Variants in ACVR1 observed in about 807,000 individuals in gnomAD.
ACVR1 encodes the protein activin receptor type-1.
A neutral mutation model predicts 57.1 loss-of-function variants in ACVR1; 38 were observed. The ratio of observed to expected loss-of-function variants is 0.67; its 90% CI spans 0.51 to 0.87. The LOEUF (loss-of-function observed/expected upper bound fraction) is 0.87, where lower values mean the gene tolerates loss of function less well. ACVR1 is among the 40% of genes least tolerant of loss of function. The pLI, the probability that ACVR1 is intolerant of heterozygous loss-of-function variation, is 0.00. For synonymous variants in ACVR1, 212 were observed against 228.1 expected, an observed-to-expected ratio of 0.93 and a Z score of 0.63; for missense variants, 463 against 638.2, an observed-to-expected ratio of 0.73 and a Z score of 2.96.
intron 1 of ACVR1, among the ~76,000 whole-genome samples, chr2:157,840,360 A>G (rs2105354457): frequency 6.6e-6 from 1 of 152,358 alleles, no homozygotes; most frequent in Admixed American, 6.5e-5. Context: ...CGCATAAATT[A>G]TCACTCCACC....
In ACVR1 at chr2:157,774,203, A is replaced by C. The variant is rs756227362; in HGVS notation, c.544-16T>G. 6.2e-7 allele frequency: 1 copy of C among 1,605,212 alleles called. No homozygotes were observed. Among genetic ancestry groups the C allele is most frequent in the Non-Finnish European group, 8.5e-7 (1 of 1,172,032 alleles). ...CCAATAAATCCTGTGGTTTAAGACA[A>C]GGGGGAAAAGAAACGATTGAGCAAT... On this transcript the variant is annotated splice_polypyrimidine_tract_variant and intron_variant, in intron 5 of 10. Transcript: ENST00000434821.
chr2:157,858,622 T>A (rs910433350), intron 1 of ACVR1, among the ~76,000 whole-genome samples: 1 of 151,922 alleles, frequency 6.6e-6, no homozygotes, highest in African/African-American at 2.4e-5. Flanking sequence ...CTACTGGTTA[T>A]GGATTACATA....
rs1574178448 is a variant in ACVR1, at chr2:157,876,142, A to G, written c.-529T>C. Among the ~76,000 whole-genome samples the G allele has an allele frequency of 2.3e-5, 1 of 44,092 alleles. No individual in the cohort carries two copies. Among genetic ancestry groups the G allele is most frequent in the Non-Finnish European group, 4.6e-5 (1 of 21,784 alleles). 28.9% of individuals were successfully genotyped at this position (44,092 alleles called of 152,430 possible). On this transcript the variant is annotated 5_prime_UTR_variant, in exon 1 of 11. Transcript: ENST00000434821. ...GGAGGCGGGGTGAAGAGGAGGAGGA[A>G]GGGGAGGAGGGCGGGCAGAATAAAC...
intron 1 of ACVR1, among the ~76,000 whole-genome samples, chr2:157,825,928 G>A (rs569812201): frequency 1.3e-5 from 2 of 152,244 alleles, no homozygotes; most frequent in Admixed American, 6.5e-5. Flanking sequence ...TAATTAGATC[G>A]CCTTTCTGTC....
At chr2:157,755,574 A>G (rs901655783) in intron 9 of ACVR1, among the ~76,000 whole-genome samples, 11 of 143,374 alleles carry the variant, frequency 7.7e-5, no homozygotes, top group East Asian at 6.1e-4. Flanking sequence ...ATACCGTACC[A>G]TACAATACAA....
intron 1 of ACVR1, among the ~76,000 whole-genome samples, chr2:157,869,732 A>G (rs1183553486): frequency 6.6e-6 from 1 of 152,140 alleles, no homozygotes; most frequent in African/African-American, 2.4e-5. Context: ...CTCATAATAT[A>G]TTTGTTCTTG....
At chr2:157,778,620 A>C (rs751246786) in intron 4 of ACVR1, among the ~76,000 whole-genome samples, 20 of 152,218 alleles carry the variant, frequency 1.3e-4, no homozygotes, top group Non-Finnish European at 2.2e-4. Flanking sequence ...AGTACTGTAC[A>C]AATCTTTGAT....
intron 1 of ACVR1, among the ~76,000 whole-genome samples, chr2:157,863,699 G>GA (rs945744558): frequency 8.7e-5 from 13 of 149,536 alleles, no homozygotes; most frequent in African/African-American, 1.2e-4. Context: ...TCCATCTCAA[G>GA]AAAAAAAATA....
intron 3 of ACVR1, among the ~76,000 whole-genome samples, chr2:157,791,083 C>T (rs183398135): frequency 1.3e-5 from 2 of 152,296 alleles, no homozygotes; most frequent in Admixed American, 1.3e-4. Context: ...CTTAGCTTCC[C>T]TGCATCACCA....
intron 1 of ACVR1, among the ~76,000 whole-genome samples, chr2:157,848,626 GA>G (rs2105362557): frequency 6.6e-6 from 1 of 152,342 alleles, no homozygotes; most frequent in East Asian, 1.9e-4. Context: ...TCAAGTTTGG[GA>G]TAATTTATTA....
intron 4 of ACVR1, 99 bp downstream of exon 4, chr2:157,780,238 G>A: frequency 6.5e-7 from 1 of 1,536,906 alleles, no homozygotes; most frequent in African/African-American, 1.4e-5. Flanking sequence ...TCAAAATGTA[G>A]GTGGAATGCC....
At chr2:157,819,299 A>C (rs1331309578) in intron 1 of ACVR1, 1 of 151,752 alleles carries the variant, frequency 6.6e-6, no homozygotes, top group Non-Finnish European at 1.5e-5. Context: ...TGGCCAATAT[A>C]GTGAAACCCC....
At chr2:157,754,628 T>C (rs982235871) in intron 9 of ACVR1, among the ~76,000 whole-genome samples, 1 of 151,638 alleles carries the variant, frequency 6.6e-6, no homozygotes, top group Non-Finnish European at 1.5e-5. Context: ...AAATTACCAA[T>C]GAAAAAAAAG....
At chr2:157,760,537 T>TA (rs1685605896) in intron 9 of ACVR1, among the ~76,000 whole-genome samples, 1 of 152,196 alleles carries the variant, frequency 6.6e-6, no homozygotes, top group African/African-American at 2.4e-5. Context: ...ACATATTACA[T>TA]ACATTTATCA....
chr2:157,845,634 T>C (rs1458409029), intron 1 of ACVR1, among the ~76,000 whole-genome samples: 1 of 151,956 alleles, frequency 6.6e-6, no homozygotes, highest in Non-Finnish European at 1.5e-5. Context: ...ATACAGATGG[T>C]GAGGGGAATG....
chr2:157,815,337 A>G (rs1371258185), intron 2 of ACVR1, among the ~76,000 whole-genome samples: 4 of 151,884 alleles, frequency 2.6e-5, no homozygotes, highest in African/African-American at 7.3e-5. Flanking sequence ...GGAGACAGAA[A>G]AGGGAGACTT....
intron 1 of ACVR1, among the ~76,000 whole-genome samples, chr2:157,826,804 GA>G (rs1239550718): frequency 8.9e-5 from 12 of 134,650 alleles, no homozygotes; most frequent in East Asian, 4.3e-4. Context: ...AAGGGAAAAG[GA>G]AAAGGAAAGG....
At chr2:157,753,737 A>T (rs1046223287) in intron 9 of ACVR1, among the ~76,000 whole-genome samples, 1 of 152,228 alleles carries the variant, frequency 6.6e-6, no homozygotes, top group East Asian at 1.9e-4. Flanking sequence ...ATGGATTTAA[A>T]CTATACCCTA....
chr2:157,784,323 T>C (rs1384248418), intron 3 of ACVR1, among the ~76,000 whole-genome samples: 1 of 152,164 alleles, frequency 6.6e-6, no homozygotes, highest in African/African-American at 2.4e-5. Flanking sequence ...GAACAGATAA[T>C]CAGATTCTGT....
Sources: gnomAD v4.1 joint callset for allele counts (sites outside exome capture counted in the v4.1 genomes callset) on GRCh38, gnomAD v4.1.1 for gene constraint, MANE v1.5 for transcripts, NCBI Gene and HGNC (gene_info 2026-07-23, HGNC 2026-07-21) for gene names.